The following BBS9 variants were observed in gnomAD, a reference collection of about 807,000 sequenced individuals.
BBS9 encodes protein PTHB1.
BBS9 carries 89 observed loss-of-function variants against 117.7 expected under a neutral mutation model. The observed-to-expected ratio is 0.76, with a 90% CI of 0.64 to 0.90. BBS9 has a LOEUF of 0.90. Among genes scored for constraint, BBS9 ranks in the 40% least tolerant of loss-of-function variants. BBS9 has a pLI of 0.00. For synonymous variants in BBS9, 379 were observed against 370.9 expected, an observed-to-expected ratio of 1.02 and a Z score of -0.25; for missense variants, 982 against 1,042.2, an observed-to-expected ratio of 0.94 and a Z score of 0.80.
At chr7:33,348,933 T>C (rs754105330) in intron 12 of BBS9, 135 bp from the exon 13 acceptor site, 51 of 654,770 alleles carry the variant, frequency 7.8e-5, no homozygotes, top group Non-Finnish European at 1.3e-4. Context: ...CTTACTGTAT[T>C]ATGTTTTGTG....
intron 19 of BBS9, among the ~76,000 whole-genome samples, chr7:33,478,245 A>G (rs1207149520): frequency 3.3e-5 from 5 of 152,210 alleles, no homozygotes; most frequent in Non-Finnish European, 2.9e-5. Context: ...AGAAAAATGC[A>G]TAAAAACATG....
intron 21 of BBS9, among the ~76,000 whole-genome samples, chr7:33,537,634 A>T (rs1346084275): frequency 1.3e-5 from 2 of 152,200 alleles, no homozygotes; most frequent in African/African-American, 2.4e-5. Context: ...AGTGTTTTTT[A>T]AAAATCTGAG....
At chr7:33,474,678 T>C (rs564757408) in intron 19 of BBS9, among the ~76,000 whole-genome samples, 23 of 152,318 alleles carry the variant, frequency 1.5e-4, no homozygotes, top group African/African-American at 5.5e-4. Flanking sequence ...CTGGGCGTGA[T>C]GGCTCACTCC....
intron 19 of BBS9, among the ~76,000 whole-genome samples, chr7:33,489,353 T>G (rs1033735527): frequency 1.4e-5 from 2 of 146,730 alleles, no homozygotes; most frequent in Non-Finnish European, 3.0e-5. Context: ...TTTTTTTTTT[T>G]GCTGAAATTG....
chr7:33,411,008 GGTGT>G (rs757576104), intron 19 of BBS9, among the ~76,000 whole-genome samples: 1 of 121,140 alleles, frequency 8.3e-6, no homozygotes, highest in African/African-American at 3.3e-5. Context: ...TTAAAATGTT[GGTGT>G]TTTTTTTTTT....
chr7:33,142,484 C>G (rs1191510068), intron 1 of BBS9, among the ~76,000 whole-genome samples: 1 of 152,102 alleles, frequency 6.6e-6, no homozygotes, highest in Non-Finnish European at 1.5e-5. Context: ...AACATCTAAC[C>G]ATTTTTAACT....
chr7:33,460,139 T>C (rs1250327379), intron 19 of BBS9, among the ~76,000 whole-genome samples: 4 of 152,174 alleles, frequency 2.6e-5, no homozygotes, highest in Non-Finnish European at 5.9e-5. Context: ...CTGCCTTGTC[T>C]ACAAATCGAT....
At chr7:33,200,828 T>G (rs539708997) in intron 5 of BBS9, among the ~76,000 whole-genome samples, 8 of 152,178 alleles carry the variant, frequency 5.3e-5, no homozygotes, top group Admixed American at 2.6e-4. Flanking sequence ...TCAGTTTTTA[T>G]TTGAGGATGA....
rs55912151 is a variant in BBS9, at chr7:33,473,336, C to G, written c.2116-32127C>G. Among the ~76,000 whole-genome samples, 8 of 147,218 alleles carry G rather than the reference C, an allele frequency of 5.4e-5. No individual in the cohort carries two copies. In the East Asian group the frequency reaches 8.2e-4, roughly 15 times the overall value. On this transcript the variant is annotated intron_variant, in intron 19 of 22. Transcript: ENST00000242067. Reference sequence around the variant, plus strand: ...CCCTCACCCCACCCCCTCACCCCCCCGCCCCGAGGCAGAGTCTTGCTCTGT... The same window carrying G: ...CCCTCACCCCACCCCCTCACCCCCCGGCCCCGAGGCAGAGTCTTGCTCTGT...
chr7:33,280,911 G>GTTTTTTATTTTTTTTTTTT (rs1801730416), intron 9 of BBS9, among the ~76,000 whole-genome samples: 1 of 79,392 alleles, frequency 1.3e-5, no homozygotes, highest in African/African-American at 6.0e-5. Flanking sequence ...TGTCGTTTTT[G>GTTTTTTATTTTTTTTTTTT]TTTTTTTTTT....
intron 19 of BBS9, among the ~76,000 whole-genome samples, chr7:33,394,165 A>C (rs922903211): frequency 6.6e-6 from 1 of 152,136 alleles, no homozygotes; most frequent in East Asian, 1.9e-4. Context: ...CTAGTGAATA[A>C]ATATTTTTCA....
intron 5 of BBS9, among the ~76,000 whole-genome samples, chr7:33,242,673 T>G (rs1583836192): frequency 6.6e-6 from 1 of 152,168 alleles, no homozygotes; most frequent in African/African-American, 2.4e-5. Context: ...ATTGTTTGAT[T>G]TTATTTACAT....
intron 21 of BBS9, among the ~76,000 whole-genome samples, chr7:33,574,307 C>T (rs1266515788): frequency 6.6e-6 from 1 of 152,142 alleles, no homozygotes; most frequent in African/African-American, 2.4e-5. Flanking sequence ...CCTTTCTTCT[C>T]ACCAACTGTG....
intron 21 of BBS9, among the ~76,000 whole-genome samples, chr7:33,592,348 G>A (rs1282414109): frequency 5.3e-5 from 8 of 151,986 alleles, no homozygotes; most frequent in Non-Finnish European, 1.0e-4. Context: ...GAAAGGAAAG[G>A]GAATGAAGGC....
At chr7:33,438,901 G>A (rs1321521691) in intron 19 of BBS9, among the ~76,000 whole-genome samples, 1 of 152,182 alleles carries the variant, frequency 6.6e-6, no homozygotes, top group African/African-American at 2.4e-5. Flanking sequence ...AAGTTATCAT[G>A]ACTAAAGCTG....
At chr7:33,556,712 G>A (rs976698371) in intron 21 of BBS9, among the ~76,000 whole-genome samples, 2 of 152,168 alleles carry the variant, frequency 1.3e-5, no homozygotes, top group African/African-American at 4.8e-5. Flanking sequence ...CTTTAGAGGT[G>A]TCAATTTGCT....
intron 21 of BBS9, among the ~76,000 whole-genome samples, chr7:33,573,569 T>A (rs1348404598): frequency 6.6e-6 from 1 of 152,162 alleles, no homozygotes; most frequent in Non-Finnish European, 1.5e-5. Context: ...TTAAGTAGTT[T>A]CAACTGTTTT....
chr7:33,630,548 C>G (rs1865843824), intron 21 of BBS9, among the ~76,000 whole-genome samples: 1 of 152,046 alleles, frequency 6.6e-6, no homozygotes, highest in Admixed American at 6.5e-5. Flanking sequence ...TCAGTAAGGC[C>G]CTAAATACTT....
intron 21 of BBS9, among the ~76,000 whole-genome samples, chr7:33,579,045 C>T (rs767373657): frequency 1.4e-4 from 21 of 152,224 alleles, no homozygotes; most frequent in Admixed American, 2.6e-4. Context: ...GGCTTCAGGG[C>T]TGTCTGTTTC....
Sources: gnomAD v4.1 joint callset for allele counts (sites outside exome capture counted in the v4.1 genomes callset) on GRCh38, gnomAD v4.1.1 for gene constraint, MANE v1.5 for transcripts, NCBI Gene and HGNC (gene_info 2026-07-23, HGNC 2026-07-21) for gene names.